The following IRAG1 variants were observed in gnomAD, a reference collection of about 807,000 sequenced individuals.
IRAG1 encodes the protein IP3R-associated cGMP kinase substrate.
Under a neutral mutation model 106.2 loss-of-function variants are expected in IRAG1, and 62 were observed. That is an observed-to-expected ratio of 0.58 (90% confidence interval 0.48 to 0.72). The LOEUF (loss-of-function observed/expected upper bound fraction) is 0.72, where lower values mean the gene tolerates loss of function less well. Among genes scored for constraint, IRAG1 ranks in the 30% least tolerant of loss-of-function variants. The pLI is 0.00. For synonymous variants in IRAG1, 462 were observed against 443.9 expected (o/e 1.04, Z -0.51); for missense variants, 1,064 against 1,140.7 (o/e 0.93, Z 0.97).
chr11:10,683,430 T>A (rs1456957747), intron 1 of IRAG1, among the ~76,000 whole-genome samples: 1 of 148,298 alleles, frequency 6.7e-6, no homozygotes, highest in Non-Finnish European at 1.5e-5. Flanking sequence ...CAAAAAAAAA[T>A]TTTACAAAGT....
At chr11:10,603,313 T>C (rs1854188658) in intron 13 of IRAG1, 62 bp from the exon 14 acceptor site, 2 of 1,576,348 alleles carry the variant, frequency 1.3e-6, no homozygotes, top group Non-Finnish European at 1.7e-6. Flanking sequence ...AAATCAGCAG[T>C]CCCCAACCTT....
At chr11:10,602,315 A>C (rs1854100094) in intron 14 of IRAG1, among the ~76,000 whole-genome samples, 1 of 152,258 alleles carries the variant, frequency 6.6e-6, no homozygotes, top group Non-Finnish European at 1.5e-5. Context: ...ATAGCAACAT[A>C]ATAACAACAT....
intron 1 of IRAG1, among the ~76,000 whole-genome samples, chr11:10,688,473 G>C (rs1253893262): frequency 6.6e-6 from 1 of 152,084 alleles, no homozygotes; most frequent in Non-Finnish European, 1.5e-5. Flanking sequence ...ACACCCTCTT[G>C]ATTTGCTTAT....
chr11:10,646,773 G>A (rs186728611), intron 2 of IRAG1, among the ~76,000 whole-genome samples: 2 of 152,280 alleles, frequency 1.3e-5, no homozygotes, highest in East Asian at 3.9e-4. Context: ...GTGGATGCTC[G>A]GAGAGACCCA....
chr11:10,580,066 C>G (rs1028946038), intron 20 of IRAG1, among the ~76,000 whole-genome samples: 6 of 152,204 alleles, frequency 3.9e-5, no homozygotes, highest in African/African-American at 1.4e-4. Flanking sequence ...CGAGTCAACT[C>G]TCTTTGTCTT....
intron 1 of IRAG1, among the ~76,000 whole-genome samples, chr11:10,666,936 T>C (rs1023994936): frequency 6.6e-6 from 1 of 152,124 alleles, no homozygotes; most frequent in Non-Finnish European, 1.5e-5. Context: ...AAGGCCTGAG[T>C]GGAGCTCCTG....
chr11:10,606,947 C>T (rs1010670476), intron 11 of IRAG1, among the ~76,000 whole-genome samples, 175 bp from the exon 12 acceptor site: 1 of 152,164 alleles, frequency 6.6e-6, no homozygotes, highest in Non-Finnish European at 1.5e-5. Flanking sequence ...GATACTGACT[C>T]TTACGGCACC....
chr11:10,612,143 C>G (rs1741734574), intron 10 of IRAG1, among the ~76,000 whole-genome samples: 1 of 152,200 alleles, frequency 6.6e-6, no homozygotes, highest in South Asian at 2.1e-4. Flanking sequence ...AAAACAGTGG[C>G]TAAACTCCTT....
In IRAG1 at chr11:10,600,979, C is replaced by A; in HGVS notation, c.1956G>T (p.Ala652=). The A allele has an allele frequency of 6.2e-7, 1 of 1,614,054 alleles. No homozygotes were observed. The change falls in exon 15 of 21, where the codon GCG becomes GCT. Residue 652 remains alanine, a synonymous_variant. Coordinates refer to ENST00000423302, the MANE Select transcript of IRAG1 (RefSeq NM_130385.4). ...CAAGCTTTTTAAACTCCATGAGCTCCGCATGGTCCTTCTCATACGTCCTCT... is the reference window on the plus strand; with the variant it reads ...CAAGCTTTTTAAACTCCATGAGCTCAGCATGGTCCTTCTCATACGTCCTCT... ...NLKRTYEKDH[A]ELMEFKKLAN...
intron 2 of IRAG1, among the ~76,000 whole-genome samples, chr11:10,643,579 G>A (rs562262940): frequency 6.6e-6 from 1 of 152,262 alleles, no homozygotes; most frequent in South Asian, 2.1e-4. Context: ...TCGTTCATCC[G>A]TCATATCTAC....
At chr11:10,594,521 C>T (rs1026639318) in intron 15 of IRAG1, among the ~76,000 whole-genome samples, 7 of 152,100 alleles carry the variant, frequency 4.6e-5, no homozygotes, top group Non-Finnish European at 8.8e-5. Context: ...CTCAGCAACA[C>T]GAAGACTTAT....
chr11:10,674,505 G>A (rs1860494350), intron 1 of IRAG1, among the ~76,000 whole-genome samples: 2 of 152,106 alleles, frequency 1.3e-5, no homozygotes, highest in South Asian at 2.1e-4. Flanking sequence ...CCCCCTCATC[G>A]GGAGGGACTG....
intron 9 of IRAG1, 21 bp from the exon 10 acceptor site, chr11:10,623,877 A>G (rs779051826): frequency 5.0e-6 from 8 of 1,606,544 alleles, no homozygotes; most frequent in Admixed American, 1.7e-5. Flanking sequence ...AAAGAAAGAG[A>G]TAACAATTTC....
intron 1 of IRAG1, among the ~76,000 whole-genome samples, chr11:10,684,940 T>A (rs189709082): frequency 4.6e-5 from 7 of 152,316 alleles, no homozygotes; most frequent in Admixed American, 4.6e-4. Context: ...AGAGAAAGGC[T>A]TGTCCAAACT....
At chr11:10,587,243 G>A (rs557915192) in intron 18 of IRAG1, among the ~76,000 whole-genome samples, 1 of 152,140 alleles carries the variant, frequency 6.6e-6, no homozygotes. Flanking sequence ...ATATATTTTT[G>A]GACAGGCAGG....
chr11:10,584,703 T>G (rs1188766255), intron 18 of IRAG1, among the ~76,000 whole-genome samples: 1 of 151,726 alleles, frequency 6.6e-6, no homozygotes, highest in Non-Finnish European at 1.5e-5. Context: ...AGAACTCGCC[T>G]GAGGCAAACT....
At chr11:10,589,706 T>G (rs1852420457) in intron 18 of IRAG1, among the ~76,000 whole-genome samples, 1 of 152,252 alleles carries the variant, frequency 6.6e-6, no homozygotes, top group Non-Finnish European at 1.5e-5. Flanking sequence ...TATTCCCAAC[T>G]GGCGAGTCAG....
chr11:10,668,723 A>C (rs1859985854), intron 1 of IRAG1, among the ~76,000 whole-genome samples: 1 of 152,240 alleles, frequency 6.6e-6, no homozygotes, highest in Non-Finnish European at 1.5e-5. Flanking sequence ...TCTTCATGGC[A>C]GACTCCTGTT....
At chr11:10,617,659 C>T (rs923953159) in intron 10 of IRAG1, among the ~76,000 whole-genome samples, 2 of 152,206 alleles carry the variant, frequency 1.3e-5, no homozygotes, top group African/African-American at 4.8e-5. Context: ...CATGTCCAAA[C>T]TCAAATTCAC....
Sources: allele counts gnomAD v4.1 joint callset (sites outside exome capture counted in the v4.1 genomes callset), GRCh38; gene constraint gnomAD v4.1.1; transcripts MANE v1.5; gene names NCBI Gene and HGNC (gene_info 2026-07-23, HGNC 2026-07-21).